Variants in FER observed in about 807,000 individuals in gnomAD.
FER encodes FER tyrosine kinase.
Under a neutral mutation model 111.0 loss-of-function variants are expected in FER, and 63 were observed. The observed-to-expected ratio is 0.57, with a 90% CI of 0.46 to 0.70. FER has a LOEUF of 0.70. FER is among the 30% of genes least tolerant of loss of function. The pLI, the probability that FER is intolerant of heterozygous loss-of-function variation, is 0.00. For synonymous variants in FER, 327 were observed against 313.9 expected, an observed-to-expected ratio of 1.04 and a Z score of -0.44; for missense variants, 914 against 954.0, an observed-to-expected ratio of 0.96 and a Z score of 0.55.
intron 10 of FER, among the ~76,000 whole-genome samples, chr5:108,942,920 C>T (rs888740370): frequency 2.6e-5 from 4 of 152,042 alleles, no homozygotes; most frequent in African/African-American, 9.7e-5. Context: ...TTTCTTGATT[C>T]TTATTGCCTC....
intron 5 of FER, among the ~76,000 whole-genome samples, chr5:108,863,954 T>C (rs1763780651): frequency 6.6e-6 from 1 of 152,204 alleles, no homozygotes; most frequent in South Asian, 2.1e-4. Context: ...ATTAATGTAC[T>C]TGCTTCCCTC....
chr5:108,883,622 A>T (rs1053047181), intron 9 of FER, 104 bp downstream of exon 9: 120 of 1,033,848 alleles, frequency 1.2e-4, no homozygotes, highest in Non-Finnish European at 1.5e-4. Flanking sequence ...AGAAACAGAA[A>T]CTTTTATTTT....
intron 10 of FER, among the ~76,000 whole-genome samples, chr5:108,902,085 A>G (rs949244598): frequency 2.0e-5 from 3 of 152,170 alleles, no homozygotes; most frequent in African/African-American, 4.8e-5. Context: ...TTAGGATAAC[A>G]TTGGAAAGAT....
intron 13 of FER, among the ~76,000 whole-genome samples, chr5:109,024,199 A>T (rs565800161): frequency 3.3e-4 from 50 of 152,152 alleles, no homozygotes; most frequent in African/African-American, 1.2e-3. Context: ...GCTGTAGATC[A>T]TTGTAGTTTC....
intron 13 of FER, among the ~76,000 whole-genome samples, chr5:109,001,210 G>A (rs1228864390): frequency 6.6e-6 from 1 of 152,074 alleles, no homozygotes; most frequent in African/African-American, 2.4e-5. Flanking sequence ...TACCCTTGAT[G>A]AACATTTGAT....
intron 13 of FER, among the ~76,000 whole-genome samples, chr5:109,020,527 A>T (rs1767783312): frequency 6.6e-6 from 1 of 152,036 alleles, no homozygotes; most frequent in Non-Finnish European, 1.5e-5. Context: ...AATAAGCCAC[A>T]TTTAGATCTC....
chr5:108,778,274 C>T (rs911309600), intron 2 of FER, among the ~76,000 whole-genome samples: 1 of 152,118 alleles, frequency 6.6e-6, no homozygotes, highest in Admixed American at 6.6e-5. Context: ...GTTCAATGTT[C>T]AGGTTTTTGT....
chr5:108,948,918 T>C (rs1757362142), intron 11 of FER, among the ~76,000 whole-genome samples: 1 of 152,126 alleles, frequency 6.6e-6, no homozygotes, highest in Non-Finnish European at 1.5e-5. Context: ...TTTATATAGA[T>C]AACAGAAGAA....
intron 4 of FER, 93 bp from the exon 5 acceptor site, chr5:108,835,615 A>T: frequency 1.4e-6 from 1 of 724,618 alleles, no homozygotes; most frequent in South Asian, 1.8e-5. Context: ...GTAAGTAGTG[A>T]AATACACATC....
chr5:109,010,443 C>T (rs1241297044), intron 13 of FER, among the ~76,000 whole-genome samples: 1 of 152,152 alleles, frequency 6.6e-6, no homozygotes, highest in Admixed American at 6.5e-5. Context: ...AGCCGTGAGC[C>T]ACCGTGCCCA....
At chr5:109,182,607 G>A (rs1049395209) in intron 18 of FER, among the ~76,000 whole-genome samples, 8 of 152,110 alleles carry the variant, frequency 5.3e-5, no homozygotes, top group Admixed American at 2.0e-4. Context: ...AACTGGGCTT[G>A]GGAGTCCTTG....
intron 4 of FER, among the ~76,000 whole-genome samples, chr5:108,834,534 C>A (rs528971800): frequency 6.6e-6 from 1 of 151,800 alleles, no homozygotes; most frequent in Non-Finnish European, 1.5e-5. Context: ...CCCGTCTCTA[C>A]TAAAAATACA....
intron 13 of FER, among the ~76,000 whole-genome samples, chr5:109,009,122 C>A (rs1765897377): frequency 1.3e-5 from 2 of 149,146 alleles, no homozygotes; most frequent in South Asian, 4.3e-4. Flanking sequence ...ATCTCGGCTC[C>A]CTGCAACTGC....
At chr5:108,930,298 C>T (rs1465055936) in intron 10 of FER, among the ~76,000 whole-genome samples, 1 of 148,092 alleles carries the variant, frequency 6.8e-6, no homozygotes, top group East Asian at 2.0e-4. Flanking sequence ...AGGCATAAGC[C>T]TCCGTGCCTG....
At chr5:108,775,102 C>T (rs1006709069) in intron 2 of FER, among the ~76,000 whole-genome samples, 5 of 152,090 alleles carry the variant, frequency 3.3e-5, no homozygotes, top group African/African-American at 1.2e-4. Flanking sequence ...TTTCAGTTTT[C>T]TGCATATGGC....
chr5:109,111,317 T>A (rs185163203), intron 17 of FER, among the ~76,000 whole-genome samples: 2 of 152,232 alleles, frequency 1.3e-5, no homozygotes, highest in Non-Finnish European at 2.9e-5. Context: ...TTTTGGAGAA[T>A]CAATGTTATC....
intron 5 of FER, among the ~76,000 whole-genome samples, chr5:108,866,643 G>A (rs910250051): frequency 6.6e-6 from 1 of 151,354 alleles, no homozygotes; most frequent in African/African-American, 2.4e-5. Flanking sequence ...TCAATGCAAT[G>A]AAATACAAGT....
At chr5:109,100,559 A>G in intron 17 of FER, 40 bp downstream of exon 17, 2 of 1,575,498 alleles carry the variant, frequency 1.3e-6, no homozygotes, top group Non-Finnish European at 1.7e-6. Flanking sequence ...GGTTTTATTA[A>G]TAGAATGCTG....
At chr5:109,090,789 C>G (rs1778083834) in intron 16 of FER, among the ~76,000 whole-genome samples, 1 of 151,864 alleles carries the variant, frequency 6.6e-6, no homozygotes, top group African/African-American at 2.4e-5. Flanking sequence ...ATTACAAAAT[C>G]CAAGGAGTAA....
Sources: gnomAD v4.1 joint callset for allele counts (sites outside exome capture counted in the v4.1 genomes callset) on GRCh38, gnomAD v4.1.1 for gene constraint, MANE v1.5 for transcripts, NCBI Gene and HGNC (gene_info 2026-07-23, HGNC 2026-07-21) for gene names.